Variants in MAST4 observed in about 807,000 individuals in gnomAD.
MAST4 encodes the protein microtubule associated serine/threonine kinase family member 4, also known as microtubule-associated serine/threonine-protein kinase 4.
Under a neutral mutation model 162.7 loss-of-function variants are expected in MAST4, and 89 were observed. That is an observed-to-expected ratio of 0.55 (90% CI 0.46 to 0.65). MAST4 has a LOEUF of 0.65. MAST4 is among the 30% of genes least tolerant of loss of function. The probability of loss-of-function intolerance (pLI) is 0.00; values close to 1 mark genes in which losing one functional copy is unlikely to be tolerated. For synonymous variants in MAST4, 1,479 were observed against 1,361.1 expected (o/e 1.09, Z -1.91); for missense variants, 3,153 against 3,374.0 (o/e 0.93, Z 1.62).
intron 3 of MAST4, among the ~76,000 whole-genome samples, chr5:66,870,159 A>C (rs1760823071): frequency 6.6e-6 from 1 of 152,186 alleles, no homozygotes; most frequent in African/African-American, 2.4e-5. Flanking sequence ...ACTCTTTTAC[A>C]TAGGTTTAAA....
chr5:66,780,575 T>G (rs1161609409), intron 2 of MAST4, among the ~76,000 whole-genome samples: 2 of 152,272 alleles, frequency 1.3e-5, no homozygotes, highest in East Asian at 3.9e-4. Flanking sequence ...GCAAGATTTA[T>G]TGTGAAGAGT....
intron 3 of MAST4, among the ~76,000 whole-genome samples, chr5:66,841,470 T>G (rs1259431502): frequency 6.6e-6 from 1 of 152,190 alleles, no homozygotes; most frequent in East Asian, 1.9e-4. Flanking sequence ...AGCAGACATT[T>G]GTTGCCCACA....
At chr5:66,851,996 C>T (rs1169662428) in intron 3 of MAST4, among the ~76,000 whole-genome samples, 1 of 152,082 alleles carries the variant, frequency 6.6e-6, no homozygotes, top group Non-Finnish European at 1.5e-5. Context: ...TTTCCATGAA[C>T]AGTTTTAGTA....
At chr5:66,954,404 C>T (rs1745051580) in intron 4 of MAST4, among the ~76,000 whole-genome samples, 1 of 152,110 alleles carries the variant, frequency 6.6e-6, no homozygotes, top group African/African-American at 2.4e-5. Flanking sequence ...TGAAAAATCT[C>T]CTGAATTGGT....
At chr5:66,658,137 A>G (rs916535741) in intron 1 of MAST4, among the ~76,000 whole-genome samples, 1 of 152,238 alleles carries the variant, frequency 6.6e-6, no homozygotes, top group Non-Finnish European at 1.5e-5. Flanking sequence ...AGTGGAATAT[A>G]TCCAGCGTAT....
intron 3 of MAST4, among the ~76,000 whole-genome samples, chr5:66,813,971 G>A (rs1183759075): frequency 6.6e-6 from 1 of 152,174 alleles, no homozygotes; most frequent in African/African-American, 2.4e-5. Context: ...TATCCTACTT[G>A]TCTGTCATCT....
At chr5:67,072,373 A>G (rs1761097160) in intron 5 of MAST4, among the ~76,000 whole-genome samples, 1 of 152,186 alleles carries the variant, frequency 6.6e-6, no homozygotes, top group Non-Finnish European at 1.5e-5. Context: ...TTCTGCTAAA[A>G]ATTATTTAGA....
intron 10 of MAST4, among the ~76,000 whole-genome samples, chr5:67,105,835 TCTACA>T (rs1765534837): frequency 4.6e-5 from 7 of 152,328 alleles, no homozygotes; most frequent in South Asian, 4.1e-4. Flanking sequence ...CTTTGACTTC[TCTACA>T]CTAGAGTATA....
intron 1 of MAST4, among the ~76,000 whole-genome samples, chr5:66,643,693 C>CT (rs1330225216): frequency 8.6e-5 from 13 of 150,972 alleles, no homozygotes; most frequent in African/African-American, 1.7e-4. Context: ...AAGTGAATTT[C>CT]TTTTTTTTTA....
chr5:67,166,413 A>T lies in MAST4; in HGVS notation c.7234A>T (p.Lys2412Ter). The T allele has an allele frequency of 1.2e-6, 2 of 1,609,118 alleles. No individual in the cohort carries two copies. The highest frequency in any genetic ancestry group is 1.7e-6 in the Non-Finnish European group (2 of 1,177,808). ...GGAGCGGCCAGCCGCGGGGGTGGGG[A>T]AGGGCTTCCCTGAGGCCAGAGGGAA... ...GAERPAAGVG[K>*]GFPEARGKGP... The change falls in exon 29 of 29, where the codon AAG (lysine) becomes TAG (stop). Residue 2412 changes from lysine to a stop codon, truncating the protein, a stop_gained. Transcript: ENST00000403625. LOFTEE classifies it low-confidence loss of function (END_TRUNC).
chr5:66,824,722 G>A (rs1253162326), intron 3 of MAST4, among the ~76,000 whole-genome samples: 1 of 152,228 alleles, frequency 6.6e-6, no homozygotes, highest in Non-Finnish European at 1.5e-5. Context: ...ATCATTGAGT[G>A]TACTTACACA....
At chr5:66,672,755 T>C (rs571712494) in intron 1 of MAST4, among the ~76,000 whole-genome samples, 100 of 152,334 alleles carry the variant, frequency 6.6e-4, no homozygotes, top group African/African-American at 2.3e-3. Flanking sequence ...TTTCTGTCCT[T>C]GTTGCCTTCT....
chr5:67,120,655 C>T (rs531946442), intron 13 of MAST4, among the ~76,000 whole-genome samples: 32 of 152,240 alleles, frequency 2.1e-4, no homozygotes, highest in South Asian at 8.3e-4. Flanking sequence ...AGAGCCACTC[C>T]GGCCCATTCT....
Position 67,068,753 on chromosome 5 carries a change from T to G in MAST4, c.763+14261T>G, listed in dbSNP as rs1325927516. ...GATATTTATCATTTATGGGATGTTT[T>G]AAGTATAGAAAAAATTCTAGTATTA... On this transcript the variant is annotated intron_variant, in intron 5 of 28. Coordinates refer to ENST00000403625, the MANE Select transcript of MAST4 (RefSeq NM_001164664.2). 4.6e-5 allele frequency among the ~76,000 whole-genome samples: 7 copies of G among 152,178 alleles called. No homozygotes were observed. The East Asian group carries it at 1.3e-3, about 29-fold the overall frequency.
intron 1 of MAST4, among the ~76,000 whole-genome samples, chr5:66,757,739 A>G (rs1452900398): frequency 2.6e-5 from 4 of 152,238 alleles, no homozygotes; most frequent in Non-Finnish European, 4.4e-5. Flanking sequence ...TTAACTCGCC[A>G]CTGAGAATAT....
At position 67,057,122 on chromosome 5, in the gene MAST4, C is replaced by T. The variant is rs541127501; in HGVS notation, c.763+2630C>T. Among the ~76,000 whole-genome samples, 132 of 152,244 alleles carry T rather than the reference C, an allele frequency of 8.7e-4. 2 individuals carry two copies. The highest frequency in any genetic ancestry group is 3.1e-3 in the African/African-American group (127 of 41,552). Reference sequence around the variant, plus strand: ...ATTACTGTCTGGTAGATTCCTATTTCTGTATAAAAAGAAGAAAAACATGTG... The same window carrying T: ...ATTACTGTCTGGTAGATTCCTATTTTTGTATAAAAAGAAGAAAAACATGTG... On this transcript the variant is annotated intron_variant, in intron 5 of 28. Transcript: ENST00000403625.
In MAST4 at chr5:66,955,950, A is replaced by G. The variant is rs1745263563; in HGVS notation, c.674+55968A>G. On this transcript the variant is annotated intron_variant, in intron 4 of 28. Coordinates refer to ENST00000403625, the MANE Select transcript of MAST4 (RefSeq NM_001164664.2). ...CCCATTAAAAAGTTCATATATTACA[A>G]TTAGTTGATATGTCTTTTAAGGTTT... is the stretch of plus-strand genomic sequence containing the variant. Among the ~76,000 whole-genome samples, 4 of 151,530 alleles carry G rather than the reference A, an allele frequency of 2.6e-5. No individual in the cohort carries two copies. The South Asian group carries it at 8.3e-4, about 32-fold the overall frequency.
At chr5:66,865,411 A>T (rs956229142) in intron 3 of MAST4, among the ~76,000 whole-genome samples, 1 of 105,336 alleles carries the variant, frequency 9.5e-6, no homozygotes, top group Non-Finnish European at 2.5e-5. Flanking sequence ...GTCAGTACAC[A>T]AATAGTTTTA....
At chr5:66,618,044 C>G (rs1008872580) in intron 1 of MAST4, among the ~76,000 whole-genome samples, 4 of 139,716 alleles carry the variant, frequency 2.9e-5, no homozygotes, top group South Asian at 4.7e-4. Flanking sequence ...GGGGGGGGGG[C>G]CCTGATTCTG....
Sources: gnomAD v4.1 joint callset for allele counts (sites outside exome capture counted in the v4.1 genomes callset) on GRCh38, gnomAD v4.1.1 for gene constraint, MANE v1.5 for transcripts, NCBI Gene and HGNC (gene_info 2026-07-23, HGNC 2026-07-21) for gene names.